Variants in AOAH observed in about 807,000 individuals in gnomAD.
AOAH encodes the protein acyloxyacyl hydrolase (neutrophil).
In AOAH, 64 loss-of-function variants were observed where a neutral mutation model predicts 92.2. That is an observed-to-expected ratio of 0.69 (90% CI 0.57 to 0.86). The LOEUF is 0.86. Among genes scored for constraint, AOAH ranks in the 40% least tolerant of loss-of-function variants. AOAH has a pLI of 0.00. For synonymous variants in AOAH, 263 were observed against 254.5 expected, an observed-to-expected ratio of 1.03 and a Z score of -0.32; for missense variants, 656 against 694.6, an observed-to-expected ratio of 0.94 and a Z score of 0.62.
At chr7:36,627,413 G>T (rs1792749390) in intron 6 of AOAH, among the ~76,000 whole-genome samples, 1 of 152,130 alleles carries the variant, frequency 6.6e-6, no homozygotes, top group Non-Finnish European at 1.5e-5. Flanking sequence ...GATTCTCTGG[G>T]TTTGAATCCC....
intron 15 of AOAH, among the ~76,000 whole-genome samples, chr7:36,541,144 T>C (rs1416211270): frequency 6.6e-6 from 1 of 152,230 alleles, no homozygotes; most frequent in East Asian, 1.9e-4. Context: ...TCTTTATCCT[T>C]CCATTTCTAC....
intron 19 of AOAH, among the ~76,000 whole-genome samples, chr7:36,524,514 A>C (rs1444476369): frequency 3.3e-5 from 5 of 151,314 alleles, no homozygotes; most frequent in African/African-American, 7.3e-5. Flanking sequence ...AAAAAAAAAA[A>C]AACAAAAAAA....
intron 1 of AOAH, among the ~76,000 whole-genome samples, chr7:36,700,693 G>T (rs1290262233): frequency 1.3e-5 from 2 of 151,980 alleles, no homozygotes; most frequent in Admixed American, 6.6e-5. Flanking sequence ...CCTTTGGGTA[G>T]ATGCCCAGTA....
intron 19 of AOAH, among the ~76,000 whole-genome samples, chr7:36,526,464 A>G (rs1363790844): frequency 1.1e-4 from 17 of 152,190 alleles, no homozygotes. Flanking sequence ...TTCTTGGGAG[A>G]AATGCAATAC....
At chr7:36,682,161 C>T (rs4532514) in intron 2 of AOAH, among the ~76,000 whole-genome samples, 2 of 152,286 alleles carry the variant, frequency 1.3e-5, no homozygotes, top group South Asian at 2.1e-4. Context: ...CTAGAGTCAT[C>T]TGGCACCCAC....
At chr7:36,696,429 A>G (rs899410505) in intron 1 of AOAH, among the ~76,000 whole-genome samples, 6 of 152,162 alleles carry the variant, frequency 3.9e-5, no homozygotes, top group African/African-American at 1.4e-4. Flanking sequence ...GCCTTCTTTA[A>G]TTTCTCTTCG....
chr7:36,703,662 G>T (rs1196574592), intron 1 of AOAH, among the ~76,000 whole-genome samples: 1 of 152,088 alleles, frequency 6.6e-6, no homozygotes, highest in African/African-American at 2.4e-5. Flanking sequence ...TTCTGTTCCT[G>T]TGTTAGTTTG....
At chr7:36,575,762 CTTAGT>C (rs1303242107) in intron 13 of AOAH, among the ~76,000 whole-genome samples, 1 of 152,310 alleles carries the variant, frequency 6.6e-6, no homozygotes, top group African/African-American at 2.4e-5. Flanking sequence ...AGGTCACATA[CTTAGT>C]TTAAACGCTT....
At chr7:36,621,609 C>T (rs1792283751) in intron 8 of AOAH, 101 bp downstream of exon 8, 1 of 1,085,504 alleles carries the variant, frequency 9.2e-7, no homozygotes, top group Non-Finnish European at 1.4e-6. Flanking sequence ...AATCTCTTCT[C>T]TCTGTAAGTG....
intron 4 of AOAH, among the ~76,000 whole-genome samples, chr7:36,657,240 G>A (rs948895145): frequency 6.6e-6 from 1 of 152,196 alleles, no homozygotes; most frequent in African/African-American, 2.4e-5. Flanking sequence ...CCACGTTAGA[G>A]CTCAACCAAT....
chr7:36,676,415 A>T (rs1372035550), intron 2 of AOAH, among the ~76,000 whole-genome samples: 1 of 152,208 alleles, frequency 6.6e-6, no homozygotes, highest in Non-Finnish European at 1.5e-5. Context: ...AAAAAGTGCA[A>T]AATATATACT....
intron 11 of AOAH, among the ~76,000 whole-genome samples, chr7:36,613,589 T>C (rs561611862): frequency 6.6e-6 from 1 of 152,338 alleles, no homozygotes; most frequent in African/African-American, 2.4e-5. Flanking sequence ...CTCTTCCCTC[T>C]TGATTTTCAC....
intron 4 of AOAH, among the ~76,000 whole-genome samples, chr7:36,654,980 C>T (rs1237922209): frequency 1.3e-5 from 2 of 152,214 alleles, no homozygotes; most frequent in Admixed American, 6.5e-5. Context: ...AGATCACGCA[C>T]GTTAAGTGCA....
At chr7:36,517,746 A>G (rs1246796968) in intron 20 of AOAH, among the ~76,000 whole-genome samples, 1 of 151,606 alleles carries the variant, frequency 6.6e-6, no homozygotes, top group African/African-American at 2.4e-5. Context: ...GATTACAGGC[A>G]CATGCCACCA....
chr7:36,678,600 T>TGTGTGTGCGCGCGCGC (rs549317369), intron 2 of AOAH, among the ~76,000 whole-genome samples: 2 of 131,032 alleles, frequency 1.5e-5, no homozygotes, highest in Non-Finnish European at 3.4e-5. Flanking sequence ...TGTGTGTGTG[T>TGTGTGTGCGCGCGCGC]GCGCGCGCGC....
intron 1 of AOAH, among the ~76,000 whole-genome samples, chr7:36,694,439 A>G (rs990337706): frequency 6.6e-6 from 1 of 151,940 alleles, no homozygotes; most frequent in Admixed American, 6.6e-5. Flanking sequence ...TGGAGGTTGC[A>G]GTGAGCCGAG....
chr7:36,677,734 G>A (rs57615551), intron 2 of AOAH, among the ~76,000 whole-genome samples: 19 of 152,052 alleles, frequency 1.2e-4, no homozygotes, highest in Admixed American at 2.0e-4. Context: ...ATCAACAAAC[G>A]TGGTATACCT....
At chr7:36,619,678 C>T (rs1349027515) in intron 9 of AOAH, among the ~76,000 whole-genome samples, 1 of 152,096 alleles carries the variant, frequency 6.6e-6, no homozygotes, top group African/African-American at 2.4e-5. Flanking sequence ...CTTTCCATAT[C>T]CTAGAGGCCA....
At chr7:36,647,883 T>G (rs543831353) in intron 4 of AOAH, among the ~76,000 whole-genome samples, 4 of 151,046 alleles carry the variant, frequency 2.6e-5, no homozygotes, top group African/African-American at 9.8e-5. Context: ...CAGGCTGGAG[T>G]GCAGTGGCGT....
Sources: gnomAD v4.1 joint callset for allele counts (sites outside exome capture counted in the v4.1 genomes callset) on GRCh38, gnomAD v4.1.1 for gene constraint, MANE v1.5 for transcripts, NCBI Gene and HGNC (gene_info 2026-07-23, HGNC 2026-07-21) for gene names.